The following ZRANB3 variants were observed in gnomAD, a reference collection of about 807,000 sequenced individuals.
The protein encoded by ZRANB3 is zinc finger RANBP2-type containing 3, also known as DNA annealing helicase and endonuclease ZRANB3.
Under a neutral mutation model 133.8 loss-of-function variants are expected in ZRANB3, and 125 were observed. The ratio of observed to expected loss-of-function variants is 0.93; its 90% CI spans 0.81 to 1.08. The LOEUF (loss-of-function observed/expected upper bound fraction) is 1.08. Among genes scored for constraint, ZRANB3 ranks in the 50% least tolerant of loss-of-function variants. The pLI is 0.00. For synonymous variants in ZRANB3, 387 were observed against 432.7 expected, an observed-to-expected ratio of 0.89 and a Z score of 1.31; for missense variants, 1,229 against 1,275.5, an observed-to-expected ratio of 0.96 and a Z score of 0.56.
chr2:135,386,897 G>C (rs1047254699), intron 3 of ZRANB3, among the ~76,000 whole-genome samples: 1 of 151,676 alleles, frequency 6.6e-6, no homozygotes, highest in Middle Eastern at 3.2e-3. Context: ...TGTAAATGAT[G>C]AGTTGATGGG....
At chr2:135,282,905 A>G (rs919298827) in intron 8 of ZRANB3, among the ~76,000 whole-genome samples, 2 of 152,204 alleles carry the variant, frequency 1.3e-5, no homozygotes, top group African/African-American at 4.8e-5. Flanking sequence ...AATTTACCCA[A>G]ATTTTGACAA....
At chr2:135,502,865 A>T (rs1693008566) in intron 2 of ZRANB3, among the ~76,000 whole-genome samples, 1 of 152,226 alleles carries the variant, frequency 6.6e-6, no homozygotes, top group Admixed American at 6.5e-5. Flanking sequence ...AAAACACCAG[A>T]TATATAACCT....
At chr2:135,523,351 C>T (rs910270720) in intron 1 of ZRANB3, among the ~76,000 whole-genome samples, 1 of 152,214 alleles carries the variant, frequency 6.6e-6, no homozygotes, top group Admixed American at 6.5e-5. Context: ...AACTGGACTC[C>T]TCTAAATTTC....
intron 6 of ZRANB3, among the ~76,000 whole-genome samples, chr2:135,326,739 AAAT>A (rs2104841125): frequency 6.6e-6 from 1 of 151,996 alleles, no homozygotes; most frequent in African/African-American, 2.4e-5. Context: ...ATCTCTAATA[AAAT>A]ACAAAAAATT....
intron 8 of ZRANB3, among the ~76,000 whole-genome samples, chr2:135,286,061 A>G (rs1681348518): frequency 6.6e-6 from 1 of 152,030 alleles, no homozygotes; most frequent in South Asian, 2.1e-4. Flanking sequence ...AAAATGTTCC[A>G]TTGTTTTATT....
intron 3 of ZRANB3, among the ~76,000 whole-genome samples, chr2:135,385,938 A>C (rs1224623308): frequency 6.6e-6 from 1 of 152,202 alleles, no homozygotes; most frequent in African/African-American, 2.4e-5. Flanking sequence ...ATGGGCAAGG[A>C]CTTCATGACT....
chr2:135,528,425 G>C (rs1194601346), intron 1 of ZRANB3, among the ~76,000 whole-genome samples: 1 of 152,126 alleles, frequency 6.6e-6, no homozygotes, highest in Non-Finnish European at 1.5e-5. Context: ...TGGGATTACA[G>C]GTATGAGCCA....
intron 9 of ZRANB3, among the ~76,000 whole-genome samples, chr2:135,272,518 A>G (rs1162724797): frequency 6.9e-6 from 1 of 145,112 alleles, no homozygotes; most frequent in Non-Finnish European, 1.5e-5. Context: ...GGTTCACGCC[A>G]TTTTCCTGCC....
intron 12 of ZRANB3, among the ~76,000 whole-genome samples, chr2:135,239,417 CA>C (rs11409886): frequency 1.4e-5 from 2 of 146,710 alleles, no homozygotes; most frequent in Admixed American, 1.4e-4. Flanking sequence ...TATAAAAAAT[CA>C]AAAAAAAAAG....
At chr2:135,336,942 G>A (rs1270987115) in intron 6 of ZRANB3, among the ~76,000 whole-genome samples, 1 of 151,970 alleles carries the variant, frequency 6.6e-6, no homozygotes, top group Non-Finnish European at 1.5e-5. Context: ...AAAGACCTAT[G>A]ATAGGAACAA....
intron 2 of ZRANB3, among the ~76,000 whole-genome samples, chr2:135,442,261 C>A (rs895211950): frequency 1.6e-4 from 24 of 152,130 alleles, no homozygotes; most frequent in African/African-American, 5.8e-4. Flanking sequence ...AACAGGCAAC[C>A]TACAGAATGG....
intron 3 of ZRANB3, among the ~76,000 whole-genome samples, chr2:135,364,781 T>C (rs891863026): frequency 6.6e-6 from 1 of 151,770 alleles, no homozygotes; most frequent in Non-Finnish European, 1.5e-5. Context: ...CCAGGCACGG[T>C]GGCTAACGCC....
chr2:135,394,179 C>T (rs1687373481), intron 2 of ZRANB3, among the ~76,000 whole-genome samples: 2 of 152,138 alleles, frequency 1.3e-5, no homozygotes, highest in South Asian at 4.1e-4. Flanking sequence ...ATCTTATACT[C>T]AGCCGAGATA....
chr2:135,319,865 T>C (rs1190528422), intron 6 of ZRANB3, among the ~76,000 whole-genome samples: 2 of 152,118 alleles, frequency 1.3e-5, no homozygotes, highest in Non-Finnish European at 2.9e-5. Context: ...GATAACTCCA[T>C]CACAAAACAC....
intron 2 of ZRANB3, among the ~76,000 whole-genome samples, chr2:135,433,328 G>A (rs554952517): frequency 5.9e-5 from 9 of 151,928 alleles, no homozygotes; most frequent in South Asian, 4.2e-4. Context: ...TTGATGCTGC[G>A]GTGAACCGTA....
intron 2 of ZRANB3, among the ~76,000 whole-genome samples, chr2:135,424,525 G>T (rs1453194431): frequency 6.6e-6 from 1 of 152,174 alleles, no homozygotes; most frequent in African/African-American, 2.4e-5. Flanking sequence ...TTGAGGTCAG[G>T]CATTCAATAC....
chr2:135,318,680 G>A (rs1042527639), intron 6 of ZRANB3, among the ~76,000 whole-genome samples: 4 of 152,114 alleles, frequency 2.6e-5, no homozygotes, highest in South Asian at 2.1e-4. Context: ...AAAAGTTTAC[G>A]TGAAAAACTG....
intron 2 of ZRANB3, among the ~76,000 whole-genome samples, chr2:135,501,996 GATACCACCTTCAA>G (rs1360135230): frequency 1.4e-4 from 21 of 152,028 alleles, no homozygotes; most frequent in Admixed American, 1.2e-3. Context: ...AAGACAGGAG[GATACCACCTTCAA>G]AGTGCTAAGA....
At chr2:135,309,185 G>A (rs1157270865) in intron 8 of ZRANB3, among the ~76,000 whole-genome samples, 2 of 151,782 alleles carry the variant, frequency 1.3e-5, no homozygotes, top group East Asian at 3.9e-4. Context: ...GTTTCACCGT[G>A]TTAGCCAGGA....
Sources: gnomAD v4.1 joint callset for allele counts (sites outside exome capture counted in the v4.1 genomes callset) on GRCh38, gnomAD v4.1.1 for gene constraint, MANE v1.5 for transcripts, NCBI Gene and HGNC (gene_info 2026-07-23, HGNC 2026-07-21) for gene names.